Variants in DDX59 observed in about 807,000 individuals in gnomAD.
DDX59 encodes the protein DEAD-box helicase 59.
Under a neutral mutation model 51.9 loss-of-function variants are expected in DDX59, and 30 were observed. The ratio of observed to expected loss-of-function variants is 0.58; its 90% CI spans 0.43 to 0.78. The LOEUF is 0.78. Among genes scored for constraint, DDX59 ranks in the 30% least tolerant of loss-of-function variants. The pLI is 0.00. For missense variants in DDX59, 672 were observed against 730.8 expected (o/e 0.92, Z 0.93); for synonymous variants, 255 against 253.3 (o/e 1.01, Z -0.06).
intron 3 of DDX59, among the ~76,000 whole-genome samples, chr1:200,659,431 A>G (rs1662239838): frequency 6.6e-6 from 1 of 152,148 alleles, no homozygotes; most frequent in Admixed American, 6.5e-5. Flanking sequence ...TTAAGGAGAA[A>G]AGTATCTGTG....
chr1:200,646,232 G>A (rs924598712), intron 7 of DDX59, among the ~76,000 whole-genome samples: 1 of 152,116 alleles, frequency 6.6e-6, no homozygotes, highest in African/African-American at 2.4e-5. Flanking sequence ...TACTCAGGAG[G>A]CTGAGATGGA....
In DDX59 at chr1:200,644,462, T is replaced by C; in HGVS notation, c.1652A>G (p.Asn551Ser). Reference sequence around the variant, plus strand: ...ATCCCAGAAGAGTCTTTTTGAATTATTATTGATGAAAGTAATCGCTGTTCC... The same window carrying C: ...ATCCCAGAAGAGTCTTTTTGAATTACTATTGATGAAAGTAATCGCTGTTCC... ...QNGTAITFIN[N>S]NSKRLFWDIA... is the part of the protein sequence containing the mutation. Residue 551 changes from asparagine (N) to serine (S), a missense_variant, in exon 8 of 8, where the codon AAT becomes AGT. Coordinates refer to ENST00000331314, the MANE Select transcript of DDX59 (RefSeq NM_001031725.6). 1 of 1,606,888 alleles carries C rather than the reference T, an allele frequency of 6.2e-7. No homozygotes were observed. Among genetic ancestry groups the C allele is most frequent in the Non-Finnish European group, 8.5e-7 (1 of 1,176,550 alleles).
chr1:200,641,454 C>T (rs1484022186), downstream of DDX59, among the ~76,000 whole-genome samples: 3 of 149,152 alleles, frequency 2.0e-5, no homozygotes, highest in Admixed American at 6.7e-5. Context: ...ATTTAAAAAA[C>T]GTGCTTGGGC....
Position 200,650,515 on chromosome 1 carries a change from T to C in DDX59, c.1224A>G (p.Gly408=). The change falls in exon 5 of 8, where the codon GGA becomes GGG. Residue 408 remains glycine, a synonymous_variant. Coordinates refer to ENST00000331314, the MANE Select transcript of DDX59 (RefSeq NM_001031725.6). ...CATTGGCACAAGGTAGGTTCTTTTC[T>C]CCAGTGATAATTCTCACAGGATTAT... The part of the protein sequence containing the change: ...LLHNPVRIIT[G]EKNLPCANVR... The C allele has an allele frequency of 6.2e-7, 1 of 1,614,078 alleles. No homozygotes were observed. The highest frequency in any genetic ancestry group is 1.1e-5 in the South Asian group (1 of 91,078).
Position 200,666,462 on chromosome 1 carries a change from T to C in DDX59, c.279A>G (p.Ser93=), listed in dbSNP as rs776994450. The change falls in exon 2 of 8, where the codon TCA becomes TCG. Residue 93 remains serine, a synonymous_variant. Transcript: ENST00000331314. ...CTGCCCAGCGCTGTGTTTTGGAAAA[T>C]GACTTAACGGGCTCTTCAGAAGGAT... ...DSHPSEEPVK[S]FSKTQRWAEP... is the part of the protein sequence containing the mutation. The C allele has an allele frequency of 5.0e-6, 8 of 1,613,942 alleles. No individual in the cohort carries two copies. Among genetic ancestry groups the C allele is most frequent in the Non-Finnish European group, 1.7e-6 (2 of 1,180,006 alleles).
chr1:200,663,413 A>G (rs1010125990), intron 3 of DDX59, among the ~76,000 whole-genome samples: 3 of 152,222 alleles, frequency 2.0e-5, no homozygotes, highest in Non-Finnish European at 4.4e-5. Flanking sequence ...ATCTATGGCC[A>G]TACAGCTACC....
intron 7 of DDX59, among the ~76,000 whole-genome samples, chr1:200,646,905 T>G (rs1661328856): frequency 6.6e-6 from 1 of 152,202 alleles, no homozygotes; most frequent in Admixed American, 6.5e-5. Flanking sequence ...GATAAATTTT[T>G]TTGGCAATTT....
At chr1:200,649,399 T>G (rs1661505997) in intron 5 of DDX59, among the ~76,000 whole-genome samples, 173 bp from the exon 6 acceptor site, 3 of 151,818 alleles carry the variant, frequency 2.0e-5, no homozygotes, top group Admixed American at 6.6e-5. Context: ...GAGACCGAGG[T>G]GGGCAAATCA....
rs148570316 is a variant in DDX59 at position 200,666,356 on chromosome 1, A to C, written c.385T>G (p.Leu129Val). ...CDKTDEDVCSLECKAKHLLQV... is the reference protein window; with the variant it reads ...CDKTDEDVCSVECKAKHLLQV... ...AGAAGATGTTTCGCTTTACACTCCA[A>C]ACTACACACATCTTCATCTGTCTTA... Residue 129 changes from leucine to valine, a missense_variant, in exon 2 of 8, where the codon TTG (leucine) becomes GTG (valine). Leu to Val is a conservative substitution (Grantham distance 32). Coordinates refer to ENST00000331314, the MANE Select transcript of DDX59 (RefSeq NM_001031725.6). The C allele has an allele frequency of 1.9e-6, 3 of 1,614,048 alleles. No individual in the cohort carries two copies. Among genetic ancestry groups the C allele is most frequent in the Non-Finnish European group, 2.5e-6 (3 of 1,180,042 alleles).
chr1:200,668,774 T>C (rs1290014151), intron 1 of DDX59, among the ~76,000 whole-genome samples: 1 of 152,176 alleles, frequency 6.6e-6, no homozygotes, highest in Non-Finnish European at 1.5e-5. Context: ...CAACCTGCTC[T>C]CTCTAAAGTC....
intron 3 of DDX59, among the ~76,000 whole-genome samples, chr1:200,660,815 G>A (rs1442541367): frequency 1.3e-5 from 2 of 152,014 alleles, no homozygotes; most frequent in African/African-American, 4.8e-5. Context: ...AACCAAACAC[G>A]GACCAACAAT....
chr1:200,669,605 G>C (rs1368747866), intron 1 of DDX59, 162 bp downstream of exon 1: 3 of 152,352 alleles, frequency 2.0e-5, no homozygotes, highest in Admixed American at 1.3e-4. Context: ...TAGGAGACGG[G>C]CGGGGCTCCG....
chr1:200,657,851 A>G (rs941309353), intron 4 of DDX59, among the ~76,000 whole-genome samples: 5 of 151,824 alleles, frequency 3.3e-5, no homozygotes, highest in African/African-American at 1.2e-4. Context: ...CAGGAGGTGG[A>G]GGTTGCAGTG....
At chr1:200,648,915 G>A (rs889845359) in intron 6 of DDX59, among the ~76,000 whole-genome samples, 159 bp downstream of exon 6, 1 of 152,152 alleles carries the variant, frequency 6.6e-6, no homozygotes, top group African/African-American at 2.4e-5. Context: ...CAAAAAGCCT[G>A]AGCAAGAGAA....
At chr1:200,649,843 C>CTTT (rs777404977) in intron 5 of DDX59, among the ~76,000 whole-genome samples, 3 of 140,014 alleles carry the variant, frequency 2.1e-5, no homozygotes, top group African/African-American at 5.3e-5. Context: ...TAACTTAATA[C>CTTT]TTTTTTTTTT....
chr1:200,641,261 CAGA>C (rs1248513959), downstream of DDX59: 1 of 1,298,054 alleles, frequency 7.7e-7, no homozygotes, highest in Non-Finnish European at 1.0e-6. Flanking sequence ...ATTCAGCTGC[CAGA>C]AGAAAATAGT....
chr1:200,644,625 G>C (rs930922652), intron 7 of DDX59, 108 bp from the exon 8 acceptor site: 10 of 1,351,658 alleles, frequency 7.4e-6, no homozygotes, highest in Non-Finnish European at 9.8e-6. Context: ...GCTGGGTGCA[G>C]TGGCTCACGC....
Position 200,663,961 on chromosome 1 carries a change from T to A in DDX59, c.930A>T (p.Leu310Phe), listed in dbSNP as rs779530458. The A allele has an allele frequency of 6.2e-7, 1 of 1,614,160 alleles. No homozygotes were observed. Among genetic ancestry groups the A allele is most frequent in the South Asian group, 1.1e-5 (1 of 91,076 alleles). ...RMKTVLLVGG[L>F]PLPPQLYRLQ... Reference sequence around the variant, plus strand: ...GACGATAAAGCTGTGGGGGTAAGGGTAAGCCCCCTACAAGAAGCACAGTTT... The same window carrying A: ...GACGATAAAGCTGTGGGGGTAAGGGAAAGCCCCCTACAAGAAGCACAGTTT... The change falls in exon 3 of 8, where the codon TTA (leucine) becomes TTT (phenylalanine). Residue 310 changes from leucine (L) to phenylalanine (F), a missense_variant. Leu to Phe is a conservative substitution (Grantham distance 22, BLOSUM62 0). Coordinates refer to ENST00000331314, the MANE Select transcript of DDX59 (RefSeq NM_001031725.6).
intron 5 of DDX59, among the ~76,000 whole-genome samples, chr1:200,650,009 A>AT (rs552098572): frequency 6.6e-6 from 1 of 151,354 alleles, no homozygotes; most frequent in East Asian, 1.9e-4. Context: ...CGCCTGGCTA[A>AT]TTTTTTTTGT....
Sources: allele counts gnomAD v4.1 joint callset (sites outside exome capture counted in the v4.1 genomes callset), GRCh38; gene constraint gnomAD v4.1.1; transcripts MANE v1.5; gene names NCBI Gene and HGNC (gene_info 2026-07-23, HGNC 2026-07-21).